NTM: variants seen among roughly 807,000 people sequenced by gnomAD.
NTM encodes the protein neurotrimin, also known as IgLON family member 2.
A neutral mutation model predicts 42.1 loss-of-function variants in NTM; 13 were observed. The observed-to-expected ratio is 0.31, with a 90% CI of 0.20 to 0.49. The LOEUF (loss-of-function observed/expected upper bound fraction) is 0.49. Among genes scored for constraint, NTM ranks in the 20% least tolerant of loss-of-function variants. The pLI is 0.99. For synonymous variants in NTM, 187 were observed against 179.2 expected (o/e 1.04, Z -0.35); for missense variants, 373 against 452.8 (o/e 0.82, Z 1.60).
intron 1 of NTM, among the ~76,000 whole-genome samples, chr11:131,730,839 A>G (rs1330750656): frequency 3.3e-5 from 5 of 152,170 alleles, no homozygotes; most frequent in Admixed American, 6.5e-5. Context: ...GTTAGAATCA[A>G]CAACCTGCCC....
chr11:131,436,308 A>C (rs1446055371), intron 1 of NTM, among the ~76,000 whole-genome samples: 1 of 151,956 alleles, frequency 6.6e-6, no homozygotes, highest in Non-Finnish European at 1.5e-5. Context: ...CTCATGAGTT[A>C]GGGAGGATTC....
intron 1 of NTM, among the ~76,000 whole-genome samples, chr11:131,809,240 A>G (rs1281937662): frequency 6.6e-6 from 1 of 152,216 alleles, no homozygotes; most frequent in East Asian, 1.9e-4. Flanking sequence ...AATTATATGT[A>G]TACCATGCAA....
Position 131,839,530 on chromosome 11 carries a change from G to A in NTM, c.83-72034G>A, listed in dbSNP as rs896625938. 4.6e-5 allele frequency among the ~76,000 whole-genome samples: 7 copies of A among 152,300 alleles called. No homozygotes were observed. In the South Asian group the frequency reaches 8.3e-4, roughly 18 times the overall value. On this transcript the variant is annotated intron_variant, in intron 1 of 8. Coordinates refer to ENST00000683400, the MANE Select transcript of NTM (RefSeq NM_001352005.2). The stretch of plus-strand genomic sequence containing the variant: ...CAGTGTGCAGCAAGGTCAGCAGTGC[G>A]GCTGCAGCTAAGTGAGTCAGGGGAG...
At chr11:132,014,625 A>G (rs1417307587) in intron 2 of NTM, among the ~76,000 whole-genome samples, 2 of 151,628 alleles carry the variant, frequency 1.3e-5, no homozygotes, top group East Asian at 3.9e-4. Flanking sequence ...TGCATTTCTC[A>G]GATGATGAGT....
chr11:132,051,171 G>A (rs1355617563), intron 2 of NTM, among the ~76,000 whole-genome samples: 3 of 152,212 alleles, frequency 2.0e-5, no homozygotes, highest in Non-Finnish European at 4.4e-5. Context: ...GAAAAATACA[G>A]ATAGTGCCTA....
At chr11:132,171,902 C>T (rs2076168497) in intron 3 of NTM, among the ~76,000 whole-genome samples, 1 of 152,172 alleles carries the variant, frequency 6.6e-6, no homozygotes, top group Non-Finnish European at 1.5e-5. Context: ...CTTATTCATG[C>T]TTCTTTCTGC....
At chr11:131,613,096 C>A (rs895575640) in intron 1 of NTM, among the ~76,000 whole-genome samples, 4 of 152,218 alleles carry the variant, frequency 2.6e-5, no homozygotes, top group Admixed American at 2.6e-4. Context: ...GCTTCTCTTC[C>A]TCCATTCCCA....
At chr11:131,549,624 C>A (rs1054808093) in intron 1 of NTM, among the ~76,000 whole-genome samples, 9 of 152,128 alleles carry the variant, frequency 5.9e-5, no homozygotes, top group Non-Finnish European at 1.0e-4. Context: ...CCCGCCCAAG[C>A]CACAAGGGGC....
At chr11:132,100,448 C>T (rs893296757) in intron 2 of NTM, among the ~76,000 whole-genome samples, 3 of 152,210 alleles carry the variant, frequency 2.0e-5, no homozygotes, top group African/African-American at 7.2e-5. Flanking sequence ...ATTGAATTTG[C>T]ATTATGCAAG....
chr11:131,472,965 G>C (rs1323452908), intron 1 of NTM, among the ~76,000 whole-genome samples: 2 of 152,040 alleles, frequency 1.3e-5, no homozygotes, highest in Non-Finnish European at 2.9e-5. Flanking sequence ...GATTTTCCAC[G>C]GTGTACATAG....
chr11:132,024,116 C>T (rs919788797), intron 2 of NTM, among the ~76,000 whole-genome samples: 1 of 151,472 alleles, frequency 6.6e-6, no homozygotes, highest in African/African-American at 2.4e-5. Context: ...CTGCACCCAG[C>T]ATTTTTTTTT....
chr11:131,968,483 A>G (rs148281675), intron 2 of NTM, among the ~76,000 whole-genome samples: 3,661 of 152,162 alleles, frequency 0.024, 67 homozygotes, highest in Middle Eastern at 0.075. Context: ...CCTTCTTCCA[A>G]TCGTACCCAG....
chr11:131,881,221 C>T (rs1251287639), intron 1 of NTM, among the ~76,000 whole-genome samples: 1 of 152,158 alleles, frequency 6.6e-6, no homozygotes, highest in Non-Finnish European at 1.5e-5. Flanking sequence ...TGCCCTCATT[C>T]ACACGCGTTG....
chr11:131,800,803 A>G (rs2092042690), intron 1 of NTM, among the ~76,000 whole-genome samples: 2 of 152,118 alleles, frequency 1.3e-5, no homozygotes, highest in Admixed American at 1.3e-4. Flanking sequence ...ACTCTACCCT[A>G]ATCAAATCTA....
At chr11:132,328,184 G>T (rs895727183) in intron 7 of NTM, among the ~76,000 whole-genome samples, 1 of 152,136 alleles carries the variant, frequency 6.6e-6, no homozygotes. Flanking sequence ...AGCAAGGGGG[G>T]TGGACTGGAA....
intron 1 of NTM, among the ~76,000 whole-genome samples, chr11:131,421,915 A>C (rs1550972): frequency 6.6e-6 from 1 of 152,014 alleles, no homozygotes; most frequent in Non-Finnish European, 1.5e-5. Context: ...TTTTACTTCC[A>C]TAATTATTGG....
At chr11:132,014,222 T>C (rs1265964647) in intron 2 of NTM, among the ~76,000 whole-genome samples, 1 of 152,126 alleles carries the variant, frequency 6.6e-6, no homozygotes, top group African/African-American at 2.4e-5. Context: ...TTTCATTTGT[T>C]TTTATAGCTG....
chr11:132,207,414 G>C (rs961568345), intron 3 of NTM, among the ~76,000 whole-genome samples: 1 of 152,096 alleles, frequency 6.6e-6, no homozygotes, highest in Non-Finnish European at 1.5e-5. Context: ...GGACCCCCTA[G>C]TTGCAGGAAA....
intron 1 of NTM, among the ~76,000 whole-genome samples, chr11:131,542,209 C>T (rs1437001162): frequency 2.6e-5 from 4 of 152,214 alleles, no homozygotes; most frequent in Non-Finnish European, 5.9e-5. Context: ...AGACCCGGCA[C>T]AGCTCGGAAG....
Sources: gnomAD v4.1 joint callset for allele counts (sites outside exome capture counted in the v4.1 genomes callset) on GRCh38, gnomAD v4.1.1 for gene constraint, MANE v1.5 for transcripts, NCBI Gene and HGNC (gene_info 2026-07-23, HGNC 2026-07-21) for gene names.